Variants in DPEP1 observed in about 807,000 individuals in gnomAD.
The protein encoded by DPEP1 is beta-lactamase.
A neutral mutation model predicts 42.3 loss-of-function variants in DPEP1; 50 were observed. That is an observed-to-expected ratio of 1.18 (90% CI 0.94 to 1.50). DPEP1 has a LOEUF of 1.50. DPEP1 is among the 40% of genes most tolerant of loss of function. The probability of loss-of-function intolerance (pLI) is 0.00; values close to 1 mark genes in which losing one functional copy is unlikely to be tolerated. For synonymous variants in DPEP1, 297 were observed against 234.0 expected, an observed-to-expected ratio of 1.27 and a Z score of -2.46; for missense variants, 663 against 553.0, an observed-to-expected ratio of 1.20 and a Z score of -1.99.
chr16:89,625,305 T>C (rs2059494901), intron 1 of DPEP1, among the ~76,000 whole-genome samples: 1 of 152,112 alleles, frequency 6.6e-6, no homozygotes, highest in South Asian at 2.1e-4. Context: ...TCCCAGGGCA[T>C]CACGTGCAGA....
rs2434860 is a variant in DPEP1, at chr16:89,629,809, C to G, written c.-106-496C>G. 0.024 allele frequency among the ~76,000 whole-genome samples: 3,664 copies of G among 152,074 alleles called. 637 individuals carry two copies. In the East Asian group the frequency reaches 0.49, roughly 20 times the overall value. ...GCTGGAGGGCTGCAGGCCGGGGGTG[C>G]GGACCCCTCAGCAACAGGGCAGGCG... is the stretch of plus-strand genomic sequence containing the variant. On this transcript the variant is annotated intron_variant, in intron 1 of 10. Coordinates refer to ENST00000690203, the MANE Select transcript of DPEP1 (RefSeq NM_001389466.1).
chr16:89,637,582 C>T (rs199813661), intron 8 of DPEP1, 30 bp downstream of exon 8: 29 of 1,612,788 alleles, frequency 1.8e-5, no homozygotes, highest in African/African-American at 1.2e-4. Context: ...CCAAGGGGGC[C>T]GAAGGGGGAG....
At chr16:89,632,228 T>G (rs1023810689) in intron 2 of DPEP1, among the ~76,000 whole-genome samples, 1 of 152,058 alleles carries the variant, frequency 6.6e-6, no homozygotes, top group Admixed American at 6.6e-5. Context: ...TTTTTTGGTA[T>G]TTTTAGTAGA....
At chr16:89,630,915 TGCTTTGTGGGG>T (rs2059579538) in intron 2 of DPEP1, among the ~76,000 whole-genome samples, 1 of 151,880 alleles carries the variant, frequency 6.6e-6, no homozygotes, top group African/African-American at 2.4e-5. Context: ...TGGCCCCTGC[TGCTTTGTGGGG>T]TCTCTCAGGG....
chr16:89,640,937 T>G (rs911457189), downstream of DPEP1, among the ~76,000 whole-genome samples: 8 of 152,064 alleles, frequency 5.3e-5, no homozygotes, highest in Admixed American at 2.6e-4. Flanking sequence ...AGGGGCAGGG[T>G]CAGGAGTGTG....
chr16:89,630,134 A>C (rs531538705), intron 1 of DPEP1, among the ~76,000 whole-genome samples, 171 bp from the exon 2 acceptor site: 1 of 152,076 alleles, frequency 6.6e-6, no homozygotes, highest in African/African-American at 2.4e-5. Flanking sequence ...GCTTCTTACT[A>C]TGCCTCCGCC....
intron 1 of DPEP1, chr16:89,616,739 C>G (rs533676347): frequency 1.1e-5 from 3 of 264,222 alleles, no homozygotes; most frequent in African/African-American, 7.0e-5. Flanking sequence ...CAGGAAGTGG[C>G]TGGGAAGCAG....
chr16:89,638,093 G>C lies in DPEP1; in HGVS notation c.1107G>C (p.Pro369=), dbSNP rs765900690. 6.2e-7 allele frequency: 1 copy of C among 1,612,214 alleles called. No individual in the cohort carries two copies. The highest frequency in any genetic ancestry group is 1.1e-5 in the South Asian group (1 of 91,080). Reference sequence around the variant, plus strand: ...AGGCTCCCGAGGAGGAGCCCATCCCGCTGGACCAGCTGGGTGGCTCCTGCA... The same window carrying C: ...AGGCTCCCGAGGAGGAGCCCATCCCCCTGGACCAGCTGGGTGGCTCCTGCA... ...LTQAPEEEPI[P]LDQLGGSCRT... The change falls in exon 11 of 11, where the codon CCG becomes CCC. Residue 369 remains proline (P), a synonymous_variant. Coordinates refer to ENST00000690203, the MANE Select transcript of DPEP1 (RefSeq NM_001389466.1).
At chr16:89,635,868 G>A (rs1372858709) in intron 2 of DPEP1, 40 bp from the exon 3 acceptor site, 1 of 1,557,862 alleles carries the variant, frequency 6.4e-7, no homozygotes, top group East Asian at 2.3e-5. Context: ...AGGTCCCAGT[G>A]GCCGCCCTGA....
chr16:89,617,281 G>T (rs1042921194), intron 1 of DPEP1, among the ~76,000 whole-genome samples: 1 of 152,168 alleles, frequency 6.6e-6, no homozygotes, highest in Non-Finnish European at 1.5e-5. Flanking sequence ...GGCTGAGCTG[G>T]GTGGAGGTGG....
At chr16:89,633,614 G>T (rs1392872434) in intron 2 of DPEP1, among the ~76,000 whole-genome samples, 1 of 152,238 alleles carries the variant, frequency 6.6e-6, no homozygotes, top group Non-Finnish European at 1.5e-5. Context: ...GCCCTCCAAG[G>T]AAAGCACCAA....
At chr16:89,635,820 G>A in intron 2 of DPEP1, 88 bp from the exon 3 acceptor site, 1 of 1,470,074 alleles carries the variant, frequency 6.8e-7, no homozygotes, top group Non-Finnish European at 9.0e-7. Flanking sequence ...GTAGGAAGTG[G>A]GGAGAGCAGC....
intron 1 of DPEP1, among the ~76,000 whole-genome samples, chr16:89,617,749 C>A (rs112339637): frequency 2.1e-5 from 3 of 145,776 alleles, no homozygotes; most frequent in African/African-American, 7.7e-5. Flanking sequence ...GGAGGCCGGG[C>A]GCAGTGGCTC....
chr16:89,624,700 A>T (rs567883002), intron 1 of DPEP1, among the ~76,000 whole-genome samples: 1 of 151,846 alleles, frequency 6.6e-6, no homozygotes, highest in South Asian at 2.1e-4. Context: ...ACGCCCGGCT[A>T]ATTTTTGTGT....
At chr16:89,615,488 G>C (rs2059372190) in intron 1 of DPEP1, among the ~76,000 whole-genome samples, 1 of 152,222 alleles carries the variant, frequency 6.6e-6, no homozygotes. Flanking sequence ...CCAAGAGTAG[G>C]AGACAGGGGT....
In DPEP1 at chr16:89,636,547, T is replaced by C. The variant is rs1207986022; in HGVS notation, c.385T>C (p.Phe129Leu). Reference sequence around the variant, plus strand: ...TCTCCCCGCAGGCATTCGGCAGGCCTTCCGGGAAGGGAAGGTGGCCAGCCT... The same window carrying C: ...TCTCCCCGCAGGCATTCGGCAGGCCCTCCGGGAAGGGAAGGTGGCCAGCCT... Reference protein sequence around the residue: ...VTSSAGIRQAFREGKVASLIG... With the variant: ...VTSSAGIRQALREGKVASLIG... Residue 129 changes from phenylalanine to leucine, a missense_variant, in exon 5 of 11, where the codon TTC (phenylalanine) becomes CTC (leucine). By Grantham distance (22) the Phe-to-Leu change is conservative (BLOSUM62 0). Coordinates refer to ENST00000690203, the MANE Select transcript of DPEP1 (RefSeq NM_001389466.1). 6.2e-7 allele frequency: 1 copy of C among 1,612,330 alleles called. No individual in the cohort carries two copies. Among genetic ancestry groups the C allele is most frequent in the Non-Finnish European group, 8.5e-7 (1 of 1,179,898 alleles).
chr16:89,623,952 T>C (rs1452129932), intron 1 of DPEP1, among the ~76,000 whole-genome samples: 1 of 152,118 alleles, frequency 6.6e-6, no homozygotes. Flanking sequence ...GCTCCAGGCC[T>C]GGAGGGAACA....
intron 1 of DPEP1, among the ~76,000 whole-genome samples, chr16:89,618,479 A>T (rs1473760702): frequency 6.6e-6 from 1 of 152,134 alleles, no homozygotes; most frequent in African/African-American, 2.4e-5. Flanking sequence ...TGGCCACCCA[A>T]AGTGCTGGGA....
intron 1 of DPEP1, among the ~76,000 whole-genome samples, chr16:89,628,661 T>A (rs1440688639): frequency 6.6e-6 from 1 of 152,108 alleles, no homozygotes; most frequent in Non-Finnish European, 1.5e-5. Flanking sequence ...TTGGAAATGC[T>A]CTCCTGTCAC....
Sources: allele counts gnomAD v4.1 joint callset (sites outside exome capture counted in the v4.1 genomes callset), GRCh38; gene constraint gnomAD v4.1.1; transcripts MANE v1.5; gene names NCBI Gene and HGNC (gene_info 2026-07-23, HGNC 2026-07-21).